The following TAFA2 variants were observed in gnomAD, a reference collection of about 807,000 sequenced individuals.
TAFA2 encodes the protein chemokine-like protein TAFA-2.
In TAFA2, 7 loss-of-function variants were observed where a neutral mutation model predicts 18.8. The observed-to-expected ratio is 0.37, with a 90% CI of 0.21 to 0.70. TAFA2 has a LOEUF of 0.70. TAFA2 is among the 30% of genes least tolerant of loss of function. TAFA2 has a pLI of 0.53. For missense variants in TAFA2, 122 were observed against 158.1 expected (o/e 0.77, Z 1.23); for synonymous variants, 60 against 54.2 (o/e 1.11, Z -0.47).
At chr12:61,767,024 TC>T (rs1450178893) in intron 2 of TAFA2, among the ~76,000 whole-genome samples, 1 of 152,128 alleles carries the variant, frequency 6.6e-6, no homozygotes, top group African/African-American at 2.4e-5. Context: ...TCACAATTTA[TC>T]ATCTGTGGGA....
At chr12:61,900,090 T>C (rs915732822) in intron 1 of TAFA2, among the ~76,000 whole-genome samples, 3 of 152,222 alleles carry the variant, frequency 2.0e-5, no homozygotes, top group African/African-American at 4.8e-5. Flanking sequence ...TAACAAAGTA[T>C]ACACATCCAT....
At chr12:62,243,562 C>T (rs1325467028) in intron 1 of TAFA2, among the ~76,000 whole-genome samples, 1 of 152,148 alleles carries the variant, frequency 6.6e-6, no homozygotes, top group East Asian at 1.9e-4. Flanking sequence ...CTTGAACCAG[C>T]AAAAACTAAC....
chr12:61,889,799 G>C (rs978017424), intron 1 of TAFA2, among the ~76,000 whole-genome samples: 1 of 152,126 alleles, frequency 6.6e-6, no homozygotes, highest in Non-Finnish European at 1.5e-5. Flanking sequence ...TTTTTAAATT[G>C]TTTTGTCTGC....
chr12:62,061,150 A>G (rs1378859968), intron 1 of TAFA2, among the ~76,000 whole-genome samples: 2 of 152,200 alleles, frequency 1.3e-5, no homozygotes, highest in Non-Finnish European at 2.9e-5. Flanking sequence ...GTGCCATATA[A>G]TAATGTCCTA....
intron 1 of TAFA2, among the ~76,000 whole-genome samples, chr12:62,122,125 G>C (rs1206780280): frequency 6.6e-6 from 1 of 152,166 alleles, no homozygotes; most frequent in African/African-American, 2.4e-5. Flanking sequence ...TCGGTACTAG[G>C]TTTAATACCT....
rs536873296 is a variant in TAFA2 at position 61,976,961 on chromosome 12, G to T, written c.-1-109535C>A. Among the ~76,000 whole-genome samples, 10 of 152,018 alleles carry T rather than the reference G, an allele frequency of 6.6e-5. 1 individual carries two copies. Among genetic ancestry groups the T allele is most frequent in the Non-Finnish European group, 8.8e-5 (6 of 67,990 alleles). Reference sequence around the variant, plus strand: ...GGGTTGGTTCCAAGTCTTTGCTATTGTGAATAGTGCCGTAATAAACATACA... The same window carrying T: ...GGGTTGGTTCCAAGTCTTTGCTATTTTGAATAGTGCCGTAATAAACATACA... On this transcript the variant is annotated intron_variant, in intron 1 of 4. Coordinates refer to ENST00000416284, the MANE Select transcript of TAFA2 (RefSeq NM_178539.5).
chr12:61,740,496 A>G (rs1868397127), intron 4 of TAFA2, among the ~76,000 whole-genome samples: 1 of 152,004 alleles, frequency 6.6e-6, no homozygotes, highest in African/African-American at 2.4e-5. Context: ...AAAAGTCTAA[A>G]AACAAATAAA....
intron 1 of TAFA2, among the ~76,000 whole-genome samples, chr12:62,005,359 C>T (rs528688300): frequency 2.0e-5 from 3 of 151,966 alleles, no homozygotes; most frequent in Middle Eastern, 3.2e-3. Context: ...TTATTGCTAT[C>T]GTCTCCACTT....
intron 4 of TAFA2, among the ~76,000 whole-genome samples, chr12:61,729,415 T>A (rs1204990500): frequency 1.3e-5 from 2 of 151,792 alleles, no homozygotes; most frequent in Non-Finnish European, 2.9e-5. Context: ...GCTCTATTAA[T>A]TTTTTAAATT....
chr12:62,163,949 T>C (rs185146561), intron 1 of TAFA2, among the ~76,000 whole-genome samples: 7 of 152,258 alleles, frequency 4.6e-5, no homozygotes, highest in Non-Finnish European at 1.5e-5. Context: ...AACTTTTTCT[T>C]AGGACTTTAT....
At chr12:62,225,086 T>C (rs1345826878) in intron 1 of TAFA2, among the ~76,000 whole-genome samples, 2 of 151,720 alleles carry the variant, frequency 1.3e-5, no homozygotes, top group Non-Finnish European at 2.9e-5. Context: ...AGAGTGAGAC[T>C]CCGTCTCATA....
rs562045029 is a variant in TAFA2 at position 61,829,383 on chromosome 12, A to G, written c.106+37937T>C. Among the ~76,000 whole-genome samples, 6 of 151,934 alleles carry G rather than the reference A, an allele frequency of 3.9e-5. No individual in the cohort carries two copies. In the East Asian group the frequency reaches 5.8e-4, roughly 15 times the overall value. ...TAGATTATCATCATTTCTTATCACA[A>G]TATGAACAAAAATAAAATAAAAACA... On this transcript the variant is annotated intron_variant, in intron 2 of 4. Coordinates refer to ENST00000416284, the MANE Select transcript of TAFA2 (RefSeq NM_178539.5).
At chr12:62,232,113 C>T (rs921237652) in intron 1 of TAFA2, among the ~76,000 whole-genome samples, 8 of 152,074 alleles carry the variant, frequency 5.3e-5, no homozygotes, top group African/African-American at 1.9e-4. Flanking sequence ...ATAGACATCA[C>T]AATAAATGGA....
chr12:62,043,546 T>A (rs1430881848), intron 1 of TAFA2, among the ~76,000 whole-genome samples: 1 of 152,068 alleles, frequency 6.6e-6, no homozygotes, highest in Non-Finnish European at 1.5e-5. Flanking sequence ...CACACCAACA[T>A]GGCACATGTA....
At chr12:61,936,403 A>T (rs1407343013) in intron 1 of TAFA2, among the ~76,000 whole-genome samples, 1 of 151,852 alleles carries the variant, frequency 6.6e-6, no homozygotes, top group Non-Finnish European at 1.5e-5. Flanking sequence ...CCTGTCTCTA[A>T]CTAAAAATAC....
At chr12:61,915,084 C>A (rs2121351761) in intron 1 of TAFA2, among the ~76,000 whole-genome samples, 1 of 152,186 alleles carries the variant, frequency 6.6e-6, no homozygotes, top group African/African-American at 2.4e-5. Flanking sequence ...TTGCTTGAAC[C>A]CAGGAGGTGG....
intron 1 of TAFA2, among the ~76,000 whole-genome samples, chr12:61,868,542 T>C (rs529840850): frequency 6.6e-6 from 1 of 152,148 alleles, no homozygotes; most frequent in African/African-American, 2.4e-5. Context: ...CCTGATTCCT[T>C]TTCCTCTTGT....
intron 1 of TAFA2, among the ~76,000 whole-genome samples, chr12:61,967,301 G>T (rs1283279586): frequency 6.6e-6 from 1 of 151,744 alleles, no homozygotes; most frequent in African/African-American, 2.4e-5. Flanking sequence ...CTAAGGACTT[G>T]GCTTGCTCCC....
intron 1 of TAFA2, among the ~76,000 whole-genome samples, chr12:62,086,580 C>A (rs989724835): frequency 1.3e-5 from 2 of 151,884 alleles, no homozygotes; most frequent in Non-Finnish European, 2.9e-5. Flanking sequence ...AAATGCAAAT[C>A]AAAACCACAA....
Sources: allele counts gnomAD v4.1 joint callset (sites outside exome capture counted in the v4.1 genomes callset), GRCh38; gene constraint gnomAD v4.1.1; transcripts MANE v1.5; gene names NCBI Gene and HGNC (gene_info 2026-07-23, HGNC 2026-07-21).